ASCC3: variants seen among roughly 807,000 people sequenced by gnomAD.
ASCC3 encodes the protein activating signal cointegrator 1 complex subunit 3.
ASCC3 carries 158 observed loss-of-function variants against 256.3 expected under a neutral mutation model. The observed-to-expected ratio is 0.62, with a 90% CI of 0.54 to 0.70. The LOEUF is 0.70. Among genes scored for constraint, ASCC3 ranks in the 30% least tolerant of loss-of-function variants. ASCC3 has a pLI of 0.00. For missense variants in ASCC3, 2,259 were observed against 2,626.0 expected, an observed-to-expected ratio of 0.86 and a Z score of 3.05; for synonymous variants, 948 against 883.4, an observed-to-expected ratio of 1.07 and a Z score of -1.30.
intron 36 of ASCC3, among the ~76,000 whole-genome samples, chr6:100,584,985 C>T (rs549766240): frequency 1.8e-4 from 28 of 152,220 alleles, no homozygotes; most frequent in African/African-American, 5.8e-4. Context: ...GTGGGTAACC[C>T]GACCTTTCCC....
At chr6:100,583,886 G>C (rs1771473788) in intron 36 of ASCC3, among the ~76,000 whole-genome samples, 1 of 152,148 alleles carries the variant, frequency 6.6e-6, no homozygotes, top group Admixed American at 6.6e-5. Context: ...TTTCCATGTA[G>C]TTGAGCAGTT....
Position 100,725,602 on chromosome 6 carries a change from A to C in ASCC3, c.1839T>G (p.Val613=), listed in dbSNP as rs1447965034. 3 of 1,612,904 alleles carry C rather than the reference A, an allele frequency of 1.9e-6. No homozygotes were observed. The highest frequency in any genetic ancestry group is 1.7e-6 in the Non-Finnish European group (2 of 1,179,228). ...QIVRLLILDE[V]HLLHEDRGPV... ...GTCCTCTATCTTCATGCAGCAAATG[A>C]ACTTCATCAAGAATAAGGAGCCTTA... is the stretch of plus-strand genomic sequence containing the variant. The change falls in exon 11 of 42, where the codon GTT becomes GTG. Residue 613 remains valine, a synonymous_variant. Coordinates refer to ENST00000369162, the MANE Select transcript of ASCC3 (RefSeq NM_006828.4).
intron 36 of ASCC3, among the ~76,000 whole-genome samples, chr6:100,546,670 A>G (rs1030372090): frequency 6.6e-6 from 1 of 152,136 alleles, no homozygotes; most frequent in Admixed American, 6.5e-5. Context: ...AAATCCTGGC[A>G]TTGTCCAGAA....
At position 100,509,067 on chromosome 6, in the gene ASCC3, T is replaced by C. The variant is rs1773630194; in HGVS notation, c.*319A>G. The C allele has an allele frequency of 8.3e-6, 3 of 363,040 alleles. No homozygotes were observed. The highest frequency in any genetic ancestry group is 4.0e-5 in the Admixed American group (1 of 24,972). 22.5% of individuals were successfully genotyped at this position (363,040 alleles called of 1,614,324 possible). ...GCCAATATCCATGTAAACAGTACAT[T>C]GTGAGATGTAAAATTTGATTGATAG... On this transcript the variant is annotated 3_prime_UTR_variant, in exon 42 of 42. Transcript: ENST00000369162.
chr6:100,526,128 A>C (rs1392027728), intron 37 of ASCC3, among the ~76,000 whole-genome samples: 1 of 152,236 alleles, frequency 6.6e-6, no homozygotes, highest in Non-Finnish European at 1.5e-5. Context: ...GTTAGCATTC[A>C]GGAAGCTCAG....
rs140108287 is a variant in ASCC3, at chr6:100,762,605, A to G, written c.1737+3960T>C. Among the ~76,000 whole-genome samples the G allele has an allele frequency of 3.6e-3, 550 of 152,342 alleles. 2 individuals are homozygous for G. The highest frequency in any genetic ancestry group is 0.012 in the African/African-American group (518 of 41,580). Reference sequence around the variant, plus strand: ...CACCAAAAAGGTATTTGTTGTCTATACTGTTTCTCCTAACAGTAAATCTTA... The same window carrying G: ...CACCAAAAAGGTATTTGTTGTCTATGCTGTTTCTCCTAACAGTAAATCTTA... On this transcript the variant is annotated intron_variant, in intron 10 of 41. Transcript: ENST00000369162.
At chr6:100,880,144 A>C (rs931247834) in intron 1 of ASCC3, among the ~76,000 whole-genome samples, 3 of 152,238 alleles carry the variant, frequency 2.0e-5, no homozygotes, top group African/African-American at 4.8e-5. Flanking sequence ...TATTTAGCCT[A>C]AGCTTAAGAG....
At chr6:100,679,296 A>G (rs1333628044) in intron 14 of ASCC3, among the ~76,000 whole-genome samples, 1 of 152,080 alleles carries the variant, frequency 6.6e-6, no homozygotes, top group Non-Finnish European at 1.5e-5. Context: ...AAAAGTATTA[A>G]TTCTTTAGAA....
At chr6:100,794,298 T>C (rs2114316390) in intron 8 of ASCC3, among the ~76,000 whole-genome samples, 1 of 152,210 alleles carries the variant, frequency 6.6e-6, no homozygotes, top group African/African-American at 2.4e-5. Context: ...CAATTGTCTT[T>C]TTCCAGTCTC....
chr6:100,569,852 A>C (rs781543394), intron 36 of ASCC3, among the ~76,000 whole-genome samples: 4 of 152,142 alleles, frequency 2.6e-5, no homozygotes, highest in Non-Finnish European at 5.9e-5. Context: ...AATAGCATTA[A>C]ATCTGTAGAT....
chr6:100,767,170 C>T lies in ASCC3; in HGVS notation c.1571G>A (p.Gly524Asp), dbSNP rs753557409. ...CTTAAATTCATTCTTTTTGATAACA[C>T]CTTGTTGAAAATGTTGGCGAATTTC... The part of the protein sequence containing the change: ...LHEIRQHFQQ[G>D]VIKKNEFKIV... The change falls in exon 9 of 42, where the codon GGT (glycine) becomes GAT (aspartate). Residue 524 changes from glycine to aspartate, a missense_variant. Physicochemically the swap from Gly to Asp is moderately conservative, Grantham distance 94. This residue lies in a region of ASCC3 where 1,839 missense variants were observed against 2,206.7 expected (regional missense o/e 0.83). Coordinates refer to ENST00000369162, the MANE Select transcript of ASCC3 (RefSeq NM_006828.4). 3.7e-6 allele frequency: 6 copies of T among 1,613,936 alleles called. No individual in the cohort carries two copies.
At chr6:100,663,841 C>A (rs553902441) in intron 14 of ASCC3, among the ~76,000 whole-genome samples, 1 of 151,970 alleles carries the variant, frequency 6.6e-6, no homozygotes, top group Non-Finnish European at 1.5e-5. Context: ...GTGGAAGACA[C>A]GAAAACAAAA....
At chr6:100,554,092 C>T (rs1769442449) in intron 36 of ASCC3, among the ~76,000 whole-genome samples, 1 of 152,112 alleles carries the variant, frequency 6.6e-6, no homozygotes, top group Non-Finnish European at 1.5e-5. Flanking sequence ...ATATGTAAAT[C>T]TTACATGTAC....
Position 100,646,741 on chromosome 6 carries a change from T to A in ASCC3, c.3507A>T (p.Gly1169=). ...GATGAACACATTGTTTGACCTTCAGTCCAATATTCACATGATGTAAAATGT... is the reference window on the plus strand; with the variant it reads ...GATGAACACATTGTTTGACCTTCAGACCAATATTCACATGATGTAAAATGT... The part of the protein sequence containing the change: ...IGHILHHVNI[G]LKVKQCVHQI... Residue 1169 remains glycine, a synonymous_variant, in exon 22 of 42, where the codon GGA becomes GGT. Transcript: ENST00000369162. The A allele has an allele frequency of 1.2e-6, 2 of 1,613,932 alleles. No homozygotes were observed. The highest frequency in any genetic ancestry group is 1.7e-6 in the Non-Finnish European group (2 of 1,179,884).
intron 10 of ASCC3, among the ~76,000 whole-genome samples, chr6:100,726,661 C>G (rs1779641817): frequency 6.6e-6 from 1 of 151,954 alleles, no homozygotes; most frequent in Non-Finnish European, 1.5e-5. Flanking sequence ...GTTTTCTATG[C>G]TTTAATTTCA....
At chr6:100,748,311 T>A (rs896761549) in intron 10 of ASCC3, among the ~76,000 whole-genome samples, 3 of 151,620 alleles carry the variant, frequency 2.0e-5, no homozygotes, top group African/African-American at 7.3e-5. Context: ...GTATAGTAAG[T>A]TAGGGGGAGA....
chr6:100,628,712 A>C (rs1774380035), intron 27 of ASCC3, among the ~76,000 whole-genome samples: 1 of 152,128 alleles, frequency 6.6e-6, no homozygotes, highest in South Asian at 2.1e-4. Flanking sequence ...CAAGCTGTAG[A>C]ATCTTGAGCC....
At chr6:100,563,937 T>C (rs1770090307) in intron 36 of ASCC3, among the ~76,000 whole-genome samples, 1 of 152,034 alleles carries the variant, frequency 6.6e-6, no homozygotes, top group South Asian at 2.1e-4. Flanking sequence ...AATCCTCCCC[T>C]TTGTTTTAGA....
Position 100,533,304 on chromosome 6 carries a change from AATAT to A in ASCC3, c.5775+6855_5775+6858del, listed in dbSNP as rs768475534. 3.0e-4 allele frequency among the ~76,000 whole-genome samples: 46 copies of A among 152,194 alleles called. 1 individual carries two copies. Among genetic ancestry groups the A allele is most frequent in the Admixed American group, 3.9e-4 (6 of 15,276 alleles). The stretch of plus-strand genomic sequence containing the variant: ...ATAAACAAAAATACATAAAGCTTTG[AATAT>A]AGTTATGTAGCACTGAAGTTAAGGT... On this transcript the variant is annotated intron_variant, in intron 37 of 41. Transcript: ENST00000369162.
Sources: allele counts gnomAD v4.1 joint callset (sites outside exome capture counted in the v4.1 genomes callset), GRCh38; gene constraint gnomAD v4.1.1; regional missense constraint gnomAD v4.1.1; transcripts MANE v1.5; gene names NCBI Gene and HGNC (gene_info 2026-07-23, HGNC 2026-07-21).